Variants in NAV2 observed in about 807,000 individuals in gnomAD.
The protein encoded by NAV2 is neuron navigator 2.
NAV2 carries 54 observed loss-of-function variants against 223.2 expected under a neutral mutation model. The ratio of observed to expected loss-of-function variants is 0.24; its 90% confidence interval spans 0.19 to 0.30. The LOEUF (loss-of-function observed/expected upper bound fraction) is 0.30. NAV2 is among the 10% of genes least tolerant of loss of function. The pLI is 1.00. For synonymous variants in NAV2, 1,279 were observed against 1,239.3 expected (o/e 1.03, Z -0.67); for missense variants, 2,806 against 3,147.5 (o/e 0.89, Z 2.60).
At chr11:19,492,835 T>C (rs931945084) in intron 1 of NAV2, among the ~76,000 whole-genome samples, 2 of 152,078 alleles carry the variant, frequency 1.3e-5, no homozygotes, top group African/African-American at 4.8e-5. Flanking sequence ...CAAAAGCAAA[T>C]GGATGCCTAT....
At chr11:19,377,857 G>A (rs80046280) in intron 1 of NAV2, among the ~76,000 whole-genome samples, 3,241 of 152,264 alleles carry the variant, frequency 0.021, 131 homozygotes, top group African/African-American at 0.075. Flanking sequence ...TAGCAAAACA[G>A]AGGGGCCTTT....
chr11:19,810,562 A>C (rs777697963), intron 1 of NAV2, among the ~76,000 whole-genome samples: 2 of 152,208 alleles, frequency 1.3e-5, no homozygotes, highest in African/African-American at 2.4e-5. Flanking sequence ...TCAGTATGTA[A>C]TTTATACTGA....
intron 3 of NAV2, among the ~76,000 whole-genome samples, chr11:19,845,728 C>T (rs941315034): frequency 6.6e-6 from 1 of 152,198 alleles, no homozygotes. Flanking sequence ...GCTCTGTTCT[C>T]TGCTGTAACT....
intron 1 of NAV2, among the ~76,000 whole-genome samples, chr11:19,701,531 A>T (rs1272799403): frequency 6.6e-6 from 1 of 152,200 alleles, no homozygotes; most frequent in Non-Finnish European, 1.5e-5. Flanking sequence ...CAGGATGATG[A>T]TGATGCTTAG....
At chr11:19,973,143 G>T (rs576791651) in intron 10 of NAV2, among the ~76,000 whole-genome samples, 10 of 152,288 alleles carry the variant, frequency 6.6e-5, no homozygotes, top group African/African-American at 2.4e-4. Flanking sequence ...GGTGAAACTT[G>T]CATGAACCTA....
intron 20 of NAV2, among the ~76,000 whole-genome samples, chr11:20,065,932 A>G (rs1467221149): frequency 2.6e-5 from 4 of 152,208 alleles, no homozygotes; most frequent in South Asian, 2.1e-4. Flanking sequence ...GTGCAGGAGA[A>G]TATGCCTAGG....
chr11:19,902,316 T>A (rs1591155279), intron 6 of NAV2, among the ~76,000 whole-genome samples: 1 of 152,222 alleles, frequency 6.6e-6, no homozygotes, highest in East Asian at 1.9e-4. Flanking sequence ...AAAATCCCTC[T>A]AATGTGTGAA....
intron 1 of NAV2, among the ~76,000 whole-genome samples, chr11:19,432,197 CAA>C (rs35019617): frequency 0.24 from 30,985 of 129,344 alleles, 3,473 homozygotes; most frequent in Non-Finnish European, 0.27. Flanking sequence ...AAACTCCGAC[CAA>C]AAAAAAAAAA....
intron 20 of NAV2, 110 bp from the exon 21 acceptor site, chr11:20,068,076 A>G (rs2059162164): frequency 9.8e-7 from 1 of 1,016,960 alleles, no homozygotes; most frequent in Non-Finnish European, 1.5e-6. Context: ...AAAGAAACTA[A>G]TAATTCTTCC....
chr11:19,994,372 C>A (rs7111288), intron 11 of NAV2, among the ~76,000 whole-genome samples: 7,514 of 152,064 alleles, frequency 0.049, 571 homozygotes, highest in African/African-American at 0.17. Flanking sequence ...CATGGCAAAA[C>A]CCCGTCTCTA....
intron 1 of NAV2, among the ~76,000 whole-genome samples, chr11:19,472,231 A>G (rs1327848917): frequency 6.6e-6 from 1 of 152,232 alleles, no homozygotes; most frequent in Middle Eastern, 3.4e-3. Context: ...GAGAGGTCCT[A>G]CGGTATAGAG....
intron 11 of NAV2, among the ~76,000 whole-genome samples, chr11:20,032,201 G>T (rs74730364): frequency 0.022 from 3,331 of 152,268 alleles, 55 homozygotes; most frequent in Admixed American, 0.036. Context: ...CTTGCTCATT[G>T]TGGCCTTCCC....
intron 1 of NAV2, among the ~76,000 whole-genome samples, chr11:19,567,648 C>G (rs950704900): frequency 9.8e-5 from 15 of 152,306 alleles, no homozygotes; most frequent in African/African-American, 3.4e-4. Flanking sequence ...CCTTGGCCCT[C>G]AGACATCTCA....
intron 11 of NAV2, among the ~76,000 whole-genome samples, chr11:20,016,474 G>A (rs1040906402): frequency 2.0e-5 from 3 of 152,246 alleles, no homozygotes; most frequent in Non-Finnish European, 4.4e-5. Context: ...CAAATGTGGA[G>A]TCCAGACAAT....
At chr11:19,387,366 G>A (rs1051036612) in intron 1 of NAV2, among the ~76,000 whole-genome samples, 1 of 152,032 alleles carries the variant, frequency 6.6e-6, no homozygotes, top group Non-Finnish European at 1.5e-5. Context: ...ATGGCATTCC[G>A]AGAAAGGGCT....
chr11:19,915,199 A>G (rs2043698738), intron 6 of NAV2, among the ~76,000 whole-genome samples: 2 of 152,166 alleles, frequency 1.3e-5, no homozygotes, highest in African/African-American at 4.8e-5. Context: ...CTTTCAAGGA[A>G]CTCAGTTGAT....
chr11:19,698,775 T>C (rs556825459), intron 1 of NAV2, among the ~76,000 whole-genome samples: 3 of 152,306 alleles, frequency 2.0e-5, no homozygotes, highest in Non-Finnish European at 2.9e-5. Context: ...TCCCACCAGA[T>C]GCAAGCTTCA....
intron 1 of NAV2, among the ~76,000 whole-genome samples, chr11:19,489,290 T>C (rs2042546338): frequency 6.6e-6 from 1 of 152,216 alleles, no homozygotes; most frequent in South Asian, 2.1e-4. Context: ...TGTCTTAAGC[T>C]TCTATGGGAG....
chr11:19,819,074 C>T (rs1391905060), intron 1 of NAV2, among the ~76,000 whole-genome samples: 2 of 152,164 alleles, frequency 1.3e-5, no homozygotes, highest in African/African-American at 4.8e-5. Context: ...TCTACCCACC[C>T]ACCAGTAAAT....
Sources: allele counts gnomAD v4.1 joint callset (sites outside exome capture counted in the v4.1 genomes callset), GRCh38; gene constraint gnomAD v4.1.1; transcripts MANE v1.5; gene names NCBI Gene and HGNC (gene_info 2026-07-23, HGNC 2026-07-21).